APPL1: variants seen among roughly 807,000 people sequenced by gnomAD.
APPL1 encodes the protein DCC-interacting protein 13-alpha.
Under a neutral mutation model 106.8 loss-of-function variants are expected in APPL1, and 42 were observed. That is an observed-to-expected ratio of 0.39 (90% CI 0.31 to 0.51). APPL1 has a LOEUF of 0.51. Among genes scored for constraint, APPL1 ranks in the 20% least tolerant of loss-of-function variants. APPL1 has a pLI of 0.75. For synonymous variants in APPL1, 263 were observed against 281.8 expected (o/e 0.93, Z 0.67); for missense variants, 769 against 858.2 (o/e 0.90, Z 1.30).
intron 19 of APPL1, among the ~76,000 whole-genome samples, chr3:57,265,146 G>GT (rs200761095): frequency 0.024 from 3,643 of 151,032 alleles, 67 homozygotes; most frequent in South Asian, 0.036. Context: ...ATAGTTTTTT[G>GT]TTTTTTTTGT....
chr3:57,240,033 A>G (rs564271068), intron 4 of APPL1, among the ~76,000 whole-genome samples: 1 of 151,882 alleles, frequency 6.6e-6, no homozygotes, highest in Non-Finnish European at 1.5e-5. Flanking sequence ...GCCCGTTTTT[A>G]AATTGGTTGT....
chr3:57,250,553 A>G (rs1026064472), intron 11 of APPL1, among the ~76,000 whole-genome samples: 6 of 152,208 alleles, frequency 3.9e-5, no homozygotes, highest in Non-Finnish European at 7.3e-5. Context: ...CTTATTAATC[A>G]AAAGCGACAA....
chr3:57,249,575 A>G, intron 11 of APPL1, 27 bp downstream of exon 11: 2 of 1,515,212 alleles, frequency 1.3e-6, no homozygotes, highest in South Asian at 2.7e-5. Context: ...TACTACTACT[A>G]ATCTATAGTA....
rs576795079 is a variant in APPL1 at position 57,237,179 on chromosome 3, C to T, written c.154-313C>T. Among the ~76,000 whole-genome samples, 33 of 152,236 alleles carry T rather than the reference C, an allele frequency of 2.2e-4. 1 individual carries two copies. Among genetic ancestry groups the T allele is most frequent in the African/African-American group, 7.5e-4 (31 of 41,542 alleles). ...ACAGAGGGCAATAATCAGTCATCAA[C>T]GTAGATGCTCTAAAGATTTTGCTAA... On this transcript the variant is annotated intron_variant, in intron 2 of 21. Coordinates refer to ENST00000288266, the MANE Select transcript of APPL1 (RefSeq NM_012096.3).
rs180961516 is a variant in APPL1 at position 57,249,764 on chromosome 3, A to G, written c.1052+216A>G. 5.4e-4 allele frequency among the ~76,000 whole-genome samples: 82 copies of G among 152,010 alleles called. No homozygotes were observed. The East Asian group carries it at 0.015, about 28-fold the overall frequency. On this transcript the variant is annotated intron_variant, in intron 11 of 21. Transcript: ENST00000288266. ...TGAAGTTGTCAAAGCAATGTCATAT[A>G]GTAAAGACCTGTGATTTCATGTTAG...
At chr3:57,232,253 G>A (rs1028278124) in intron 1 of APPL1, among the ~76,000 whole-genome samples, 1 of 152,160 alleles carries the variant, frequency 6.6e-6, no homozygotes, top group Admixed American at 6.5e-5. Flanking sequence ...GGGATCTTCT[G>A]TTTTTGCATA....
chr3:57,267,792 G>A lies in APPL1; in HGVS notation c.1893G>A (p.Leu631=). ...AACAGATAGCTTTGCATGCTGAACT[G>A]GTAAGAATCCAAGATGTGGCTGGGC... is the stretch of plus-strand genomic sequence containing the variant. ...LAKQIALHAE[L]DRRASEKQKE... The change falls in exon 20 of 22, where the codon CTG becomes CTA. Residue 631 remains leucine (L), a splice_region_variant and synonymous_variant. Transcript: ENST00000288266. 1 of 1,613,488 alleles carries A rather than the reference G, an allele frequency of 6.2e-7. No homozygotes were observed. Among genetic ancestry groups the A allele is most frequent in the Non-Finnish European group, 8.5e-7 (1 of 1,179,962 alleles).
At position 57,253,737 on chromosome 3, in the gene APPL1, A is replaced by G; in HGVS notation, c.1151A>G (p.Glu384Gly). The G allele has an allele frequency of 7.0e-7, 1 of 1,428,228 alleles. No individual in the cohort carries two copies. Among genetic ancestry groups the G allele is most frequent in the Non-Finnish European group, 9.3e-7 (1 of 1,080,576 alleles). The allele number at this position is 1,428,228 out of a possible 1,614,324, so 88.5% of individuals were successfully genotyped here. Reference protein sequence around the residue: ...SKQIYLSENPEETAARVNQSA... With the variant: ...SKQIYLSENPGETAARVNQSA... ...CAAATATACTTAAGTGAAAATCCAG[A>G]GGTAATATTTTTATTTTATGTTACC... The change falls in exon 13 of 22, where the codon GAG (glutamate) becomes GGG (glycine). Residue 384 changes from glutamate to glycine, a missense_variant and splice_region_variant. Physicochemically the swap from Glu to Gly is moderately conservative, Grantham distance 98. Transcript: ENST00000288266.
rs749331034 is a variant in APPL1 at position 57,260,165 on chromosome 3, A to G, written c.1695+12A>G. 17 of 1,600,716 alleles carry G rather than the reference A, an allele frequency of 1.1e-5. No homozygotes were observed. In the East Asian group the frequency reaches 2.7e-4, roughly 25 times the overall value. On this transcript the variant is annotated intron_variant, in intron 18 of 21. Coordinates refer to ENST00000288266, the MANE Select transcript of APPL1 (RefSeq NM_012096.3). ...TTACAAGGCTCACGGTGAGTTCCAC[A>G]TGATTTAAGCTTTGTTTTAGGTCCC...
At chr3:57,256,888 G>A (rs1296672923) in intron 13 of APPL1, 69 bp from the exon 14 acceptor site, 3 of 1,198,856 alleles carry the variant, frequency 2.5e-6, no homozygotes, top group Non-Finnish European at 3.7e-6. Context: ...TAACAATTCA[G>A]AGTTACATTC....
intron 1 of APPL1, among the ~76,000 whole-genome samples, chr3:57,229,065 T>C (rs565625904): frequency 6.6e-6 from 1 of 152,364 alleles, no homozygotes; most frequent in South Asian, 2.1e-4. Flanking sequence ...CTGAAAGTTA[T>C]CTTCACAGGC....
In APPL1 at chr3:57,273,074, AAACTGG is replaced by A. The variant is rs2060956484; in HGVS notation, c.*3392_*3397del. On this transcript the variant is annotated 3_prime_UTR_variant, in exon 22 of 22. Coordinates refer to ENST00000288266, the MANE Select transcript of APPL1 (RefSeq NM_012096.3). The stretch of plus-strand genomic sequence containing the variant: ...TTAACTAGTAAGACATAAAGATTTG[AAACTGG>A]AACTATATTATACTTTTTAACCAAT... 1 of 152,658 alleles carries A rather than the reference AAACTGG, an allele frequency of 6.6e-6. No individual in the cohort carries two copies. The highest frequency in any genetic ancestry group is 1.5e-5 in the Non-Finnish European group (1 of 68,038). 9.5% of individuals were successfully genotyped at this position (152,658 alleles called of 1,614,324 possible).
At chr3:57,245,262 A>G (rs2060766723) in intron 7 of APPL1, among the ~76,000 whole-genome samples, 1 of 152,210 alleles carries the variant, frequency 6.6e-6, no homozygotes, top group South Asian at 2.1e-4. Context: ...ATTACATAAT[A>G]GGTATTCAAT....
intron 12 of APPL1, 94 bp from the exon 13 acceptor site, chr3:57,253,588 G>A (rs1240168561): frequency 4.3e-6 from 4 of 931,394 alleles, no homozygotes; most frequent in Non-Finnish European, 4.4e-6. Context: ...TACTTCTAAT[G>A]AAACATCTGT....
At chr3:57,258,627 A>G (rs1312358850) in intron 15 of APPL1, 1 of 158,384 alleles carries the variant, frequency 6.3e-6, no homozygotes, top group African/African-American at 2.4e-5. Flanking sequence ...GTAACTTGTA[A>G]CATGTACTTA....
chr3:57,251,456 C>T (rs1010055813), intron 11 of APPL1, among the ~76,000 whole-genome samples: 11 of 146,942 alleles, frequency 7.5e-5, no homozygotes, highest in African/African-American at 2.8e-4. Context: ...ACCCAGGAGG[C>T]AGAGGTTGCA....
intron 19 of APPL1, among the ~76,000 whole-genome samples, 160 bp downstream of exon 19, chr3:57,260,934 A>T (rs1441779811): frequency 6.6e-6 from 1 of 152,228 alleles, no homozygotes; most frequent in Non-Finnish European, 1.5e-5. Flanking sequence ...GAATTTTGTT[A>T]CATGTATAGA....
chr3:57,263,040 A>C (rs566488981), intron 19 of APPL1, among the ~76,000 whole-genome samples: 1 of 151,888 alleles, frequency 6.6e-6, no homozygotes, highest in African/African-American at 2.4e-5. Context: ...TAGTAGAGAC[A>C]GGGTTTCTCC....
intron 12 of APPL1, among the ~76,000 whole-genome samples, chr3:57,253,267 G>T (rs114969768): frequency 6.6e-6 from 1 of 151,974 alleles, no homozygotes; most frequent in African/African-American, 2.4e-5. Flanking sequence ...TATGATACCC[G>T]AGTTCACACT....
Sources: allele counts gnomAD v4.1 joint callset (sites outside exome capture counted in the v4.1 genomes callset), GRCh38; gene constraint gnomAD v4.1.1; transcripts MANE v1.5; gene names NCBI Gene and HGNC (gene_info 2026-07-23, HGNC 2026-07-21).